PHACTR1: variants seen among roughly 807,000 people sequenced by gnomAD.
PHACTR1 encodes the protein RPEL repeat containing 1.
Under a neutral mutation model 69.2 loss-of-function variants are expected in PHACTR1, and 16 were observed. The observed-to-expected ratio is 0.23, with a 90% confidence interval of 0.16 to 0.35. The LOEUF is 0.35. Among genes scored for constraint, PHACTR1 ranks in the 10% least tolerant of loss-of-function variants. The pLI, the probability that PHACTR1 is intolerant of heterozygous loss-of-function variation, is 1.00. For synonymous variants in PHACTR1, 312 were observed against 284.5 expected (o/e 1.10, Z -0.97); for missense variants, 510 against 734.7 (o/e 0.69, Z 3.54).
intron 4 of PHACTR1, among the ~76,000 whole-genome samples, chr6:12,912,569 T>C (rs1199492089): frequency 6.6e-6 from 1 of 152,210 alleles, no homozygotes; most frequent in Non-Finnish European, 1.5e-5. Flanking sequence ...GTTTCCCCCA[T>C]GCCTTCCACT....
chr6:13,284,225 T>C (rs1780963062), intron 13 of PHACTR1, among the ~76,000 whole-genome samples: 1 of 151,916 alleles, frequency 6.6e-6, no homozygotes, highest in African/African-American at 2.4e-5. Context: ...TTTTTAAAAA[T>C]GTAGTCTGTG....
intron 4 of PHACTR1, among the ~76,000 whole-genome samples, chr6:12,978,302 C>T (rs560229959): frequency 6.6e-6 from 1 of 152,310 alleles, no homozygotes; most frequent in African/African-American, 2.4e-5. Context: ...TAAGAATAAT[C>T]ACTAATTCTT....
intron 4 of PHACTR1, among the ~76,000 whole-genome samples, chr6:12,918,459 A>G (rs1483170084): frequency 6.6e-6 from 1 of 152,224 alleles, no homozygotes; most frequent in African/African-American, 2.4e-5. Flanking sequence ...GGACTTGAGC[A>G]CACATTGGCA....
intron 4 of PHACTR1, among the ~76,000 whole-genome samples, chr6:12,903,055 G>A (rs1322385285): frequency 1.3e-5 from 2 of 152,128 alleles, no homozygotes; most frequent in Non-Finnish European, 2.9e-5. Flanking sequence ...CTTCATGAGA[G>A]GTGACAAAGT....
At chr6:13,207,830 C>A (rs1052483928) in intron 8 of PHACTR1, among the ~76,000 whole-genome samples, 1 of 151,724 alleles carries the variant, frequency 6.6e-6, no homozygotes, top group African/African-American at 2.4e-5. Flanking sequence ...GAGGTCCCAG[C>A]GAATCACCAG....
chr6:13,217,199 C>T (rs1767808282), intron 8 of PHACTR1, among the ~76,000 whole-genome samples: 1 of 152,152 alleles, frequency 6.6e-6, no homozygotes, highest in South Asian at 2.1e-4. Context: ...CATTGTTGTC[C>T]AGGAAGCACA....
chr6:13,248,279 GA>G (rs778205635), intron 10 of PHACTR1, among the ~76,000 whole-genome samples: 5 of 152,194 alleles, frequency 3.3e-5, no homozygotes, highest in African/African-American at 7.2e-5. Context: ...CTCCCAGGAG[GA>G]AACCGTAAAT....
intron 4 of PHACTR1, chr6:12,958,076 T>C: frequency 1.1e-6 from 1 of 944,456 alleles, no homozygotes; most frequent in East Asian, 1.2e-4. Context: ...TTGCCTTTTG[T>C]TTATTTGTTA....
intron 12 of PHACTR1, among the ~76,000 whole-genome samples, chr6:13,282,663 T>A (rs1780540631): frequency 6.6e-6 from 1 of 152,174 alleles, no homozygotes; most frequent in Non-Finnish European, 1.5e-5. Flanking sequence ...CATTTGCACA[T>A]ACGCTTTTTT....
chr6:12,957,384 C>T lies in PHACTR1; in HGVS notation c.251-95981C>T, dbSNP rs75108101. On this transcript the variant is annotated intron_variant, in intron 4 of 14. Coordinates refer to ENST00000332995, the MANE Select transcript of PHACTR1 (RefSeq NM_030948.6). ...TCAGAAGACTCCCAGAGATTGGGGACGGCCGAGGCAGGTCGGGGGTCTGGT... is the reference window on the plus strand; with the variant it reads ...TCAGAAGACTCCCAGAGATTGGGGATGGCCGAGGCAGGTCGGGGGTCTGGT... The T allele has an allele frequency of 2.7e-3, 2,709 of 985,102 alleles. 61 individuals are homozygous for T. The African/African-American group carries it at 0.041, about 15-fold the overall frequency. 61.0% of individuals were successfully genotyped at this position (985,102 alleles called of 1,614,324 possible). A position where few individuals can be genotyped will look rare whatever the true frequency, so the allele number is the denominator to read the frequency against.
chr6:12,791,038 A>C (rs1220766712), intron 4 of PHACTR1, among the ~76,000 whole-genome samples: 2 of 152,242 alleles, frequency 1.3e-5, no homozygotes, highest in Non-Finnish European at 2.9e-5. Context: ...ACCCACATTC[A>C]TTGAGCACTA....
In PHACTR1 at chr6:13,224,003, G is replaced by A. The variant is rs551366868; in HGVS notation, c.987-3813G>A. 3.3e-5 allele frequency among the ~76,000 whole-genome samples: 5 copies of A among 152,140 alleles called. No individual in the cohort carries two copies. In the South Asian group the frequency reaches 1.0e-3, roughly 32 times the overall value. ...CCTGAAAATTAAAAAAAACCCCTTAGTTAATGCCTTTTGAACATGTTTTGC... is the reference window on the plus strand; with the variant it reads ...CCTGAAAATTAAAAAAAACCCCTTAATTAATGCCTTTTGAACATGTTTTGC... On this transcript the variant is annotated intron_variant, in intron 8 of 14. Transcript: ENST00000332995.
chr6:12,988,180 T>G (rs1796415455), intron 4 of PHACTR1, among the ~76,000 whole-genome samples: 1 of 152,214 alleles, frequency 6.6e-6, no homozygotes, highest in Non-Finnish European at 1.5e-5. Flanking sequence ...CAGTACATAT[T>G]GGCAGGTAAA....
chr6:12,914,178 G>GC (rs1386831972), intron 4 of PHACTR1, among the ~76,000 whole-genome samples: 2 of 151,914 alleles, frequency 1.3e-5, no homozygotes, highest in African/African-American at 4.8e-5. Context: ...TTTTGTATTT[G>GC]TAGTAGAGAC....
intron 4 of PHACTR1, among the ~76,000 whole-genome samples, chr6:12,853,220 C>A (rs1462357818): frequency 6.6e-6 from 1 of 152,176 alleles, no homozygotes; most frequent in Non-Finnish European, 1.5e-5. Flanking sequence ...AAGTTAGTCT[C>A]TTGAAGAAAT....
chr6:12,747,055 C>G (rs1251881328), intron 3 of PHACTR1, among the ~76,000 whole-genome samples: 3 of 152,180 alleles, frequency 2.0e-5, no homozygotes, highest in Admixed American at 6.5e-5. Context: ...TTTGATGAGC[C>G]ATATAGGACT....
chr6:13,026,402 T>G (rs993009260), intron 4 of PHACTR1, among the ~76,000 whole-genome samples: 33 of 152,204 alleles, frequency 2.2e-4, no homozygotes, highest in African/African-American at 8.0e-4. Context: ...TTTAAAATTC[T>G]CTGTTTTCCT....
intron 10 of PHACTR1, among the ~76,000 whole-genome samples, chr6:13,252,054 T>TA (rs551938563): frequency 0.082 from 10,992 of 134,740 alleles, 631 homozygotes; most frequent in Admixed American, 0.22. Context: ...GATCCTGCCT[T>TA]AAAAAAAAAA....
chr6:12,918,294 A>T (rs1787237663), intron 4 of PHACTR1, among the ~76,000 whole-genome samples: 1 of 152,234 alleles, frequency 6.6e-6, no homozygotes, highest in Non-Finnish European at 1.5e-5. Flanking sequence ...CTGGGGAAAC[A>T]CTAGGCTGAC....
Sources: gnomAD v4.1 joint callset for allele counts (sites outside exome capture counted in the v4.1 genomes callset) on GRCh38, gnomAD v4.1.1 for gene constraint, MANE v1.5 for transcripts, NCBI Gene and HGNC (gene_info 2026-07-23, HGNC 2026-07-21) for gene names.